MGA: variants seen among roughly 807,000 people sequenced by gnomAD.
MGA encodes MAX gene-associated protein.
In MGA, 40 loss-of-function variants were observed where a neutral mutation model predicts 261.1. That is an observed-to-expected ratio of 0.15 (90% CI 0.12 to 0.20). MGA has a LOEUF of 0.20. Among genes scored for constraint, MGA ranks in the 10% least tolerant of loss-of-function variants. MGA has a pLI of 1.00. For missense variants in MGA, 3,397 were observed against 3,630.5 expected, an observed-to-expected ratio of 0.94 and a Z score of 1.65; for synonymous variants, 1,302 against 1,290.6, an observed-to-expected ratio of 1.01 and a Z score of -0.19.
intron 5 of MGA, among the ~76,000 whole-genome samples, chr15:41,704,746 A>T (rs1053082370): frequency 1.3e-5 from 2 of 152,230 alleles, no homozygotes; most frequent in Non-Finnish European, 2.9e-5. Flanking sequence ...CTACTTATAT[A>T]GGTGTTTATA....
intron 17 of MGA, among the ~76,000 whole-genome samples, chr15:41,753,679 ATG>A (rs555829342): frequency 5.8e-4 from 89 of 152,210 alleles, no homozygotes; most frequent in African/African-American, 2.0e-3. Context: ...GTGTATGCTA[ATG>A]TGTGTTGATT....
chr15:41,675,347 T>C (rs1319139924), intron 2 of MGA, among the ~76,000 whole-genome samples: 1 of 152,158 alleles, frequency 6.6e-6, no homozygotes, highest in African/African-American at 2.4e-5. Context: ...TCACTATCTT[T>C]AGAGGCTATT....
chr15:41,656,342 T>TCCC (rs1226687966), upstream of MGA, among the ~76,000 whole-genome samples: 1 of 69,200 alleles, frequency 1.4e-5, no homozygotes, highest in African/African-American at 3.8e-5. Context: ...CCCTCTCCTC[T>TCCC]CTTCTCTCTC....
chr15:41,704,381 C>T (rs2060002323), intron 5 of MGA, among the ~76,000 whole-genome samples: 1 of 152,006 alleles, frequency 6.6e-6, no homozygotes, highest in Admixed American at 6.6e-5. Flanking sequence ...GATTAGCGGC[C>T]AGGCGCGGTG....
rs756340703 is a variant in MGA, at chr15:41,750,553, A to G, written c.6946A>G (p.Ile2316Val). The G allele has an allele frequency of 5.0e-6, 8 of 1,612,168 alleles. No homozygotes were observed. The highest frequency in any genetic ancestry group is 1.3e-5 in the African/African-American group (1 of 75,056). The change falls in exon 17 of 24, where the codon ATT becomes GTT. Residue 2316 changes from isoleucine (I) to valine (V), a missense_variant. Coordinates refer to ENST00000219905, the MANE Select transcript of MGA (RefSeq NM_001164273.2). ...TGATAATGAGAAAACTGATGATTCT[A>G]TTGATGAAATTGTGGATGTTGTTTC...
At chr15:41,765,929 G>T in intron 23 of MGA, 75 bp from the exon 24 acceptor site, 1 of 1,221,490 alleles carries the variant, frequency 8.2e-7, no homozygotes. Context: ...ATGGTTATAT[G>T]ATATGACAGA....
chr15:41,626,956 C>G (rs1037453845), intron 1 of MGA, among the ~76,000 whole-genome samples: 1 of 152,136 alleles, frequency 6.6e-6, no homozygotes, highest in African/African-American at 2.4e-5. Context: ...CCTCTGCCTC[C>G]TGGGTTCAAG....
intron 1 of MGA, among the ~76,000 whole-genome samples, chr15:41,641,492 T>G (rs946966783): frequency 6.7e-6 from 1 of 149,224 alleles, no homozygotes; most frequent in African/African-American, 2.5e-5. Flanking sequence ...TAACACTTTT[T>G]TTTTTTTTTT....
At chr15:41,685,548 A>G (rs1405213548) in intron 2 of MGA, among the ~76,000 whole-genome samples, 2 of 152,210 alleles carry the variant, frequency 1.3e-5, no homozygotes, top group East Asian at 1.9e-4. Flanking sequence ...ATATCTTGAC[A>G]TCATTGAATA....
chr15:41,689,161 C>T (rs2059126079), intron 2 of MGA, among the ~76,000 whole-genome samples: 1 of 152,066 alleles, frequency 6.6e-6, no homozygotes, highest in African/African-American at 2.4e-5. Context: ...ACTGCTAATG[C>T]ACTTATATTT....
intron 2 of MGA, among the ~76,000 whole-genome samples, chr15:41,681,608 G>A (rs576172046): frequency 3.3e-5 from 5 of 151,766 alleles, no homozygotes; most frequent in African/African-American, 1.2e-4. Flanking sequence ...GTGCCTCCTC[G>A]CTTGGTTAAT....
intron 1 of MGA, among the ~76,000 whole-genome samples, chr15:41,650,636 C>T (rs148440235): frequency 2.0e-4 from 31 of 152,196 alleles, no homozygotes; most frequent in African/African-American, 6.5e-4. Flanking sequence ...TAGGGTTTCA[C>T]CATGTTGGCC....
chr15:41,706,760 G>A (rs2060138663), intron 5 of MGA, among the ~76,000 whole-genome samples: 2 of 151,918 alleles, frequency 1.3e-5, no homozygotes, highest in African/African-American at 2.4e-5. Context: ...TTGTAGTAGA[G>A]ATGAGGTTTC....
rs1335555332 is a variant in MGA, at chr15:41,734,529, A to G, written c.3851A>G (p.Asp1284Gly). The change falls in exon 12 of 24, where the codon GAT becomes GGT. Residue 1284 changes from aspartate (D) to glycine (G), a missense_variant. Transcript: ENST00000219905. ...TGTTACTGTCTCCTTCAGGAACCTG[A>G]TTCTGAACAGCAGCCCTTAAAACAA... 6.2e-6 allele frequency: 10 copies of G among 1,608,100 alleles called. No homozygotes were observed. Among genetic ancestry groups the G allele is most frequent in the African/African-American group, 1.3e-5 (1 of 74,824 alleles).
chr15:41,684,292 C>T, intron 2 of MGA: 1 of 384,962 alleles, frequency 2.6e-6, no homozygotes, highest in Non-Finnish European at 5.1e-6. Flanking sequence ...TGGTGTTCGT[C>T]ACACATTAAT....
upstream of MGA, among the ~76,000 whole-genome samples, chr15:41,656,141 G>A (rs2057163872): frequency 6.6e-6 from 1 of 152,006 alleles, no homozygotes; most frequent in South Asian, 2.1e-4. Context: ...GCATATAACT[G>A]GAAGACCTTA....
rs778156846 is a variant in MGA, at chr15:41,713,263, G to A, written c.3197G>A (p.Arg1066His). The change falls in exon 9 of 24, where the codon CGC becomes CAC. Residue 1066 changes from arginine to histidine, a missense_variant. Physicochemically the swap from Arg to His is conservative, Grantham distance 29. This residue lies in a region of MGA where 519 missense variants were observed against 554.1 expected (regional missense o/e 0.94). Transcript: ENST00000219905. ...TGTTCCAGTCTAGCTTTGGAGAAGCGCCAACCTGCTCACTGCCGCCGACCA... is the reference window on the plus strand; with the variant it reads ...TGTTCCAGTCTAGCTTTGGAGAAGCACCAACCTGCTCACTGCCGCCGACCA... 3.1e-6 allele frequency: 5 copies of A among 1,613,976 alleles called. No individual in the cohort carries two copies. Among genetic ancestry groups the A allele is most frequent in the South Asian group, 1.1e-5 (1 of 91,084 alleles).
chr15:41,689,724 C>G (rs1191240326), intron 2 of MGA, among the ~76,000 whole-genome samples: 1 of 151,870 alleles, frequency 6.6e-6, no homozygotes, highest in African/African-American at 2.4e-5. Flanking sequence ...CACCACCACA[C>G]CCGACTAATT....
chr15:41,649,625 A>G lies in MGA; in HGVS notation c.-67-19203A>G, dbSNP rs549876804. Among the ~76,000 whole-genome samples, 8 of 152,122 alleles carry G rather than the reference A, an allele frequency of 5.3e-5. 1 individual carries two copies. In the South Asian group the frequency reaches 1.7e-3, roughly 32 times the overall value. On this transcript the variant is annotated intron_variant, in intron 1 of 8. Transcript: ENST00000566718. ...AGGATATGTAGTTGGATATGGAGAA[A>G]AGTCTTACTGGGTTCTAGTCTTATT... is the stretch of plus-strand genomic sequence containing the variant.
Sources: allele counts gnomAD v4.1 joint callset (sites outside exome capture counted in the v4.1 genomes callset), GRCh38; gene constraint gnomAD v4.1.1; regional missense constraint gnomAD v4.1.1; transcripts MANE v1.5; gene names NCBI Gene and HGNC (gene_info 2026-07-23, HGNC 2026-07-21).